DCAF6: variants seen among roughly 807,000 people sequenced by gnomAD.
DCAF6 encodes the protein DDB1 and CUL4 associated factor 6, also known as DDB1- and CUL4-associated factor 6.
DCAF6 carries 54 observed loss-of-function variants against 125.1 expected under a neutral mutation model. The ratio of observed to expected loss-of-function variants is 0.43; its 90% CI spans 0.35 to 0.54. The LOEUF (loss-of-function observed/expected upper bound fraction) is 0.54. Among genes scored for constraint, DCAF6 ranks in the 20% least tolerant of loss-of-function variants. The probability of loss-of-function intolerance (pLI) is 0.01; values close to 1 mark genes in which losing one functional copy is unlikely to be tolerated. For missense variants in DCAF6, 934 were observed against 1,161.7 expected, an observed-to-expected ratio of 0.80 and a Z score of 2.85; for synonymous variants, 371 against 390.4, an observed-to-expected ratio of 0.95 and a Z score of 0.58.
chr1:167,967,714 C>CTTTTTTTTTTTTTTTTTTTTTTTTTTT (rs552208317), intron 3 of DCAF6, among the ~76,000 whole-genome samples: 5 of 74,578 alleles, frequency 6.7e-5, no homozygotes, highest in African/African-American at 2.1e-4. Flanking sequence ...TTTCCTGTAT[C>CTTTTTTTTTTTTTTTTTTTTTTTTTTT]TTTTTTTTTT....
At chr1:167,905,354 A>G in the DCAF6 span, among the ~76,000 whole-genome samples, 3 of 152,344 alleles carry the variant, frequency 2.0e-5, no homozygotes, top group African/African-American at 7.2e-5. Flanking sequence ...CAATTTCTAT[A>G]CAGAGGAAGA....
chr1:167,919,829 T>C, the DCAF6 span: 1 of 503,450 alleles, frequency 2.0e-6, no homozygotes, highest in East Asian at 3.3e-5. Flanking sequence ...TAGATACTTC[T>C]TGTCTTAGCA....
intron 1 of DCAF6, among the ~76,000 whole-genome samples, chr1:167,945,698 C>T (rs1672964420): frequency 6.6e-6 from 1 of 151,930 alleles, no homozygotes; most frequent in South Asian, 2.1e-4. Context: ...GACAGGGTTT[C>T]ACCATGTTGG....
the DCAF6 span, among the ~76,000 whole-genome samples, chr1:167,912,600 C>T: frequency 2.6e-5 from 4 of 152,358 alleles, no homozygotes; most frequent in Middle Eastern, 3.4e-3. Flanking sequence ...CTGACGTCCA[C>T]CCCACTGGGG....
At position 168,004,369 on chromosome 1, in the gene DCAF6, A is replaced by G. The variant is rs558205849; in HGVS notation, c.1118-164A>G. Among the ~76,000 whole-genome samples, 11 of 152,272 alleles carry G rather than the reference A, an allele frequency of 7.2e-5. No individual in the cohort carries two copies. In the South Asian group the frequency reaches 2.1e-3, roughly 29 times the overall value. ...TGTAGATAAGTTTTTATCCCTCTTG[A>G]CTGGCCTATTTTGTCAAATGGGCCA... On this transcript the variant is annotated intron_variant, in intron 9 of 21. Coordinates refer to ENST00000367840, the MANE Select transcript of DCAF6 (RefSeq NM_001198956.2).
chr1:167,931,683 CATT>C (rs1293398755), upstream of DCAF6, among the ~76,000 whole-genome samples: 4 of 151,986 alleles, frequency 2.6e-5, no homozygotes, highest in African/African-American at 9.7e-5. Context: ...TACGTACACT[CATT>C]ATTTGATCCA....
At chr1:168,032,328 G>C (rs1001770166) in intron 12 of DCAF6, among the ~76,000 whole-genome samples, 7 of 152,214 alleles carry the variant, frequency 4.6e-5, no homozygotes, top group African/African-American at 1.4e-4. Flanking sequence ...TCTGTTAGCA[G>C]TCTACTCCTA....
intron 12 of DCAF6, chr1:168,024,067 A>G (rs1303287834): frequency 6.6e-6 from 1 of 151,826 alleles, no homozygotes; most frequent in Non-Finnish European, 1.5e-5. Context: ...AAAAAAATTA[A>G]TTAGCTGGGT....
intron 21 of DCAF6, among the ~76,000 whole-genome samples, chr1:168,074,800 G>A (rs925002786): frequency 6.6e-6 from 1 of 152,126 alleles, no homozygotes; most frequent in Non-Finnish European, 1.5e-5. Context: ...GGAATAGCAA[G>A]TGTAATTCCT....
chr1:168,031,993 GT>G (rs11305260), intron 12 of DCAF6, among the ~76,000 whole-genome samples: 2,824 of 152,154 alleles, frequency 0.019, 78 homozygotes, highest in African/African-American at 0.064. Flanking sequence ...ACCAAGCACA[GT>G]TTCAATCTAA....
At chr1:167,998,114 G>A (rs1247006158) in intron 7 of DCAF6, among the ~76,000 whole-genome samples, 1 of 152,100 alleles carries the variant, frequency 6.6e-6, no homozygotes, top group African/African-American at 2.4e-5. Flanking sequence ...TTGCAGGTTT[G>A]GTTCTAGACC....
the DCAF6 span, among the ~76,000 whole-genome samples, chr1:167,888,181 C>G: frequency 7.5e-3 from 1,141 of 152,194 alleles, 9 homozygotes; most frequent in African/African-American, 0.026. Flanking sequence ...GTTGCTATAG[C>G]TGTGGTATAA....
the DCAF6 span, among the ~76,000 whole-genome samples, chr1:167,889,081 T>C: frequency 1.3e-5 from 2 of 152,144 alleles, no homozygotes; most frequent in Admixed American, 1.3e-4. Flanking sequence ...TCTTTCTTTC[T>C]CTTGTCTGAT....
rs1389694634 is a variant in DCAF6, at chr1:167,993,288, A to G, written c.751A>G (p.Asn251Asp). The change falls in exon 7 of 22, where the codon AAT (asparagine) becomes GAT (aspartate). Residue 251 changes from asparagine to aspartate, a missense_variant. By Grantham distance (23) the Asn-to-Asp change is conservative. Transcript: ENST00000367840. ...CCGTTTTATTCCTTCCCATCTTAAT[A>G]ATAAGTCCTGCAGAGTGACATCTCT... ...VARFIPSHLN[N>D]KSCRVTSLCY... 5.6e-6 allele frequency: 9 copies of G among 1,613,986 alleles called. No homozygotes were observed. The highest frequency in any genetic ancestry group is 7.6e-6 in the Non-Finnish European group (9 of 1,179,978).
the DCAF6 span, among the ~76,000 whole-genome samples, chr1:167,871,268 G>A: frequency 6.6e-6 from 1 of 152,104 alleles, no homozygotes; most frequent in Non-Finnish European, 1.5e-5. Context: ...GCTACAAAAA[G>A]CATTACCAGG....
the DCAF6 span, among the ~76,000 whole-genome samples, chr1:167,912,792 G>A: frequency 6.6e-6 from 1 of 152,134 alleles, no homozygotes; most frequent in African/African-American, 2.4e-5. Context: ...TCCACTCATC[G>A]GAGCCGTATC....
At chr1:167,889,045 T>C in the DCAF6 span, among the ~76,000 whole-genome samples, 3 of 152,176 alleles carry the variant, frequency 2.0e-5, no homozygotes, top group Admixed American at 6.5e-5. Flanking sequence ...TAATTTGACT[T>C]CTTCCTTTCC....
the DCAF6 span, among the ~76,000 whole-genome samples, chr1:167,877,418 C>T: frequency 4.0e-5 from 6 of 151,666 alleles, no homozygotes; most frequent in African/African-American, 1.5e-4. Context: ...AATAAAGACA[C>T]CTTGACCCAA....
At chr1:167,903,916 A>G in the DCAF6 span, 3 of 1,613,036 alleles carry the variant, frequency 1.9e-6, no homozygotes, top group African/African-American at 4.0e-5. Flanking sequence ...GTGGTAGTTG[A>G]GGATCTCCAC....
Sources: allele counts gnomAD v4.1 joint callset (sites outside exome capture counted in the v4.1 genomes callset), GRCh38; gene constraint gnomAD v4.1.1; transcripts MANE v1.5; gene names NCBI Gene and HGNC (gene_info 2026-07-23, HGNC 2026-07-21).